NFATC2: variants seen among roughly 807,000 people sequenced by gnomAD.
NFATC2 encodes the protein nuclear factor of activated T cells 2.
In NFATC2, 22 loss-of-function variants were observed where a neutral mutation model predicts 87.3. That is an observed-to-expected ratio of 0.25 (90% CI 0.18 to 0.36). The LOEUF is 0.36. NFATC2 is among the 10% of genes least tolerant of loss of function. The probability of loss-of-function intolerance (pLI) is 1.00; values close to 1 mark genes in which losing one functional copy is unlikely to be tolerated. For missense variants in NFATC2, 1,149 were observed against 1,259.1 expected (o/e 0.91, Z 1.32); for synonymous variants, 565 against 542.2 (o/e 1.04, Z -0.58).
chr20:51,442,715 T>A (rs1366257394), intron 6 of NFATC2, among the ~76,000 whole-genome samples: 4 of 151,730 alleles, frequency 2.6e-5, no homozygotes, highest in Non-Finnish European at 5.9e-5. Context: ...TTGTTTTTTT[T>A]TTTTTTCTTA....
intron 5 of NFATC2, among the ~76,000 whole-genome samples, chr20:51,455,858 GGGTA>G (rs1254333469): frequency 1.8e-5 from 1 of 55,450 alleles, no homozygotes; most frequent in East Asian, 5.2e-4. Flanking sequence ...ATGGGTGGGT[GGGTA>G]GATAGATGGG....
chr20:51,459,926 C>T (rs936153785), intron 5 of NFATC2, among the ~76,000 whole-genome samples: 5 of 152,230 alleles, frequency 3.3e-5, no homozygotes, highest in Middle Eastern at 6.8e-3. Flanking sequence ...AGTTCTGCAA[C>T]TACAGAGTAG....
In NFATC2 at chr20:51,542,428, G is replaced by C. The variant is rs764880336; in HGVS notation, c.72C>G (p.Pro24=). The C allele has an allele frequency of 6.2e-7, 1 of 1,602,104 alleles. No homozygotes were observed. The highest frequency in any genetic ancestry group is 1.4e-5 in the African/African-American group (1 of 73,000). The change falls in exon 1 of 11, where the codon CCC becomes CCG. Residue 24 remains proline, a synonymous_variant. Transcript: ENST00000371564. The stretch of plus-strand genomic sequence containing the variant: ...GGATGGAGAAGTCAAGCTCGTCTTG[G>C]GGGCTGCCCCCAGGCTCGTGGCCTG... ...DAPGHEPGGS[P]QDELDFSILF... is the part of the protein sequence containing the mutation.
chr20:51,548,409 CCTG>C (rs2146825255), intron 1 of NFATC2, among the ~76,000 whole-genome samples: 1 of 152,242 alleles, frequency 6.6e-6, no homozygotes, highest in South Asian at 2.1e-4. Flanking sequence ...TCTTTTATTG[CCTG>C]TTCCTTTCAC....
At chr20:51,410,034 C>A (rs1247135380) in intron 9 of NFATC2, among the ~76,000 whole-genome samples, 2 of 151,962 alleles carry the variant, frequency 1.3e-5, no homozygotes, top group East Asian at 1.9e-4. Flanking sequence ...CACGGTGAAA[C>A]CCCGTCTCTA....
intron 9 of NFATC2, 79 bp downstream of exon 9, chr20:51,431,988 G>A (rs6021200): frequency 1.4e-6 from 2 of 1,397,444 alleles, no homozygotes; most frequent in East Asian, 4.6e-5. Context: ...GGAATCCGTA[G>A]GCCATGCAGT....
intron 9 of NFATC2, among the ~76,000 whole-genome samples, chr20:51,425,281 C>T (rs1429114821): frequency 1.3e-5 from 2 of 152,246 alleles, no homozygotes; most frequent in East Asian, 3.8e-4. Context: ...AGGACGCTGG[C>T]AAAAGCCCTC....
chr20:51,392,249 C>T (rs1378843089), intron 10 of NFATC2, among the ~76,000 whole-genome samples: 1 of 152,194 alleles, frequency 6.6e-6, no homozygotes, highest in Non-Finnish European at 1.5e-5. Flanking sequence ...TAGCCATCAA[C>T]ATAAACATAG....
intron 10 of NFATC2, among the ~76,000 whole-genome samples, chr20:51,397,019 C>A (rs1045000018): frequency 1.4e-4 from 9 of 65,166 alleles, no homozygotes; most frequent in African/African-American, 1.0e-3. Flanking sequence ...GATTCTCCTG[C>A]CTCAACCTCC....
chr20:51,430,562 T>C (rs2146333296), intron 9 of NFATC2, among the ~76,000 whole-genome samples: 1 of 152,264 alleles, frequency 6.6e-6, no homozygotes, highest in Non-Finnish European at 1.5e-5. Context: ...GTAAGGCACG[T>C]GGGGCAGGAT....
rs117080321 is a variant in NFATC2 at position 51,538,719 on chromosome 20, C to T, written c.130+3651G>A. Among the ~76,000 whole-genome samples, 39 of 152,260 alleles carry T rather than the reference C, an allele frequency of 2.6e-4. No homozygotes were observed. The East Asian group carries it at 5.8e-3, about 23-fold the overall frequency. ...TAACAAAAGCAAGGGTTTACTAAAC[C>T]ACTAGTAACAGATCACATGCTGTGT... is the stretch of plus-strand genomic sequence containing the variant. On this transcript the variant is annotated intron_variant, in intron 1 of 10. Transcript: ENST00000371564.
chr20:51,444,504 CTT>C (rs1984793643), intron 6 of NFATC2, among the ~76,000 whole-genome samples: 1 of 152,060 alleles, frequency 6.6e-6, no homozygotes, highest in Admixed American at 6.6e-5. Context: ...GGGCTGGAGT[CTT>C]AGCAGTCAGC....
intron 1 of NFATC2, among the ~76,000 whole-genome samples, chr20:51,560,121 G>A (rs1476022296): frequency 1.3e-5 from 2 of 152,216 alleles, no homozygotes; most frequent in Admixed American, 1.3e-4. Flanking sequence ...AACAGGATTT[G>A]TAGCTAATAT....
At chr20:51,489,975 T>G (rs1320808112) in intron 3 of NFATC2, among the ~76,000 whole-genome samples, 1 of 152,202 alleles carries the variant, frequency 6.6e-6, no homozygotes, top group Non-Finnish European at 1.5e-5. Flanking sequence ...TCCGAATTGC[T>G]TTTTCCTGGT....
At chr20:51,482,323 T>C (rs1188655769) in intron 3 of NFATC2, among the ~76,000 whole-genome samples, 1 of 140,858 alleles carries the variant, frequency 7.1e-6, no homozygotes, top group African/African-American at 2.7e-5. Flanking sequence ...ACTGTCCTGA[T>C]ACAAAGATAA....
At chr20:51,468,096 G>A (rs1335536410) in intron 5 of NFATC2, among the ~76,000 whole-genome samples, 1 of 152,182 alleles carries the variant, frequency 6.6e-6, no homozygotes, top group Non-Finnish European at 1.5e-5. Context: ...ATTCTATAAA[G>A]TTCTAGAACA....
intron 3 of NFATC2, among the ~76,000 whole-genome samples, chr20:51,476,192 A>G (rs1322338833): frequency 6.8e-6 from 1 of 147,208 alleles, no homozygotes; most frequent in African/African-American, 2.5e-5. Context: ...TCATCATTTA[A>G]CATTAGGTAT....
At chr20:51,397,012 T>A (rs1987256193) in intron 10 of NFATC2, among the ~76,000 whole-genome samples, 1 of 95,190 alleles carries the variant, frequency 1.1e-5, no homozygotes, top group Non-Finnish European at 2.1e-5. Flanking sequence ...TTCAAGCGAT[T>A]CTCCTGCCTC....
chr20:51,510,615 TTTTA>T (rs1460163461), intron 3 of NFATC2, among the ~76,000 whole-genome samples: 1 of 152,210 alleles, frequency 6.6e-6, no homozygotes, highest in Non-Finnish European at 1.5e-5. Flanking sequence ...TTTAGAACTT[TTTTA>T]TTTATTTGTT....
Sources: gnomAD v4.1 joint callset for allele counts (sites outside exome capture counted in the v4.1 genomes callset) on GRCh38, gnomAD v4.1.1 for gene constraint, MANE v1.5 for transcripts, NCBI Gene and HGNC (gene_info 2026-07-23, HGNC 2026-07-21) for gene names.